PGR: variants seen among roughly 807,000 people sequenced by gnomAD.
PGR encodes the protein nuclear receptor subfamily 3 group C member 3.
PGR carries 25 observed loss-of-function variants against 76.1 expected under a neutral mutation model. The observed-to-expected ratio is 0.33, with a 90% CI of 0.24 to 0.46. The LOEUF is 0.46. PGR is among the 20% of genes least tolerant of loss of function. PGR has a pLI of 1.00. For synonymous variants in PGR, 579 were observed against 535.0 expected (o/e 1.08, Z -1.14); for missense variants, 1,172 against 1,225.3 (o/e 0.96, Z 0.65).
At chr11:101,096,450 G>A (rs568801) in intron 2 of PGR, among the ~76,000 whole-genome samples, 17,837 of 152,278 alleles carry the variant, frequency 0.12, 1,362 homozygotes, top group Non-Finnish European at 0.16. Context: ...TAGCCAGCCA[G>A]TTCCAACTAG....
At chr11:101,048,759 GCTACA>G (rs1439786447) in intron 6 of PGR, among the ~76,000 whole-genome samples, 1 of 151,926 alleles carries the variant, frequency 6.6e-6, no homozygotes, top group Non-Finnish European at 1.5e-5. Context: ...GTACACTTAG[GCTACA>G]CTACATTTAT....
rs1242633420 is a variant in PGR at position 101,037,127 on chromosome 11, A to G, written c.*1989T>C. 5.0e-6 allele frequency: 1 copy of G among 200,466 alleles called. No individual in the cohort carries two copies. The highest frequency in any genetic ancestry group is 1.0e-5 in the Non-Finnish European group (1 of 97,292). The allele number at this position is 200,466 out of a possible 1,614,324, so 12.4% of individuals were successfully genotyped here. ...GGGATGACATTTGTGGGGAAAATAT[A>G]TTGAAAGCCTTTTCAATAAGATTTA... On this transcript the variant is annotated 3_prime_UTR_variant, in exon 8 of 8. Transcript: ENST00000325455.
rs1426282251 is a variant in PGR, at chr11:101,038,852, AGTT to A, written c.*261_*263del. 1.5e-5 allele frequency: 6 copies of A among 390,822 alleles called. No individual in the cohort carries two copies. Among genetic ancestry groups the A allele is most frequent in the African/African-American group, 1.2e-4 (6 of 48,996 alleles). 24.2% of individuals were successfully genotyped at this position (390,822 alleles called of 1,614,324 possible). A position where few individuals can be genotyped will look rare whatever the true frequency, so the allele number is the denominator to read the frequency against. ...TGGTATGAAATAATATGGATAAGAT[AGTT>A]TACTTTAACAATTTTAGTACTTTTT... On this transcript the variant is annotated 3_prime_UTR_variant, in exon 8 of 8. Coordinates refer to ENST00000325455, the MANE Select transcript of PGR (RefSeq NM_000926.4).
chr11:101,067,240 C>T (rs1352442247), intron 3 of PGR, among the ~76,000 whole-genome samples: 2 of 152,156 alleles, frequency 1.3e-5, no homozygotes, highest in East Asian at 3.9e-4. Flanking sequence ...CTGCATATCG[C>T]CTTATCAGAT....
chr11:101,101,188 C>A (rs1362126822), intron 2 of PGR, among the ~76,000 whole-genome samples: 1 of 151,864 alleles, frequency 6.6e-6, no homozygotes, highest in Non-Finnish European at 1.5e-5. Flanking sequence ...TCACACCAAC[C>A]AAAATTAAAA....
intron 2 of PGR, among the ~76,000 whole-genome samples, chr11:101,115,003 C>G (rs940619048): frequency 4.6e-5 from 7 of 152,248 alleles, no homozygotes; most frequent in Non-Finnish European, 7.4e-5. Context: ...TAATCCTCAC[C>G]ATTCCTTTAA....
intron 4 of PGR, among the ~76,000 whole-genome samples, chr11:101,061,857 T>C (rs1860512052): frequency 6.6e-6 from 1 of 152,194 alleles, no homozygotes; most frequent in Admixed American, 6.5e-5. Context: ...TCTTCTGTGA[T>C]GATATAATCC....
chr11:101,111,722 C>T (rs923829747), intron 2 of PGR, among the ~76,000 whole-genome samples: 32 of 152,234 alleles, frequency 2.1e-4, no homozygotes, highest in African/African-American at 7.5e-4. Flanking sequence ...CTAAGTAGAT[C>T]AGGAGCCAAC....
chr11:101,127,522 G>T lies in PGR; in HGVS notation c.1549C>A (p.Leu517Ile). Residue 517 changes from leucine (L) to isoleucine (I), a missense_variant, in exon 1 of 8, where the codon CTC (leucine) becomes ATC (isoleucine). This residue lies in a region of PGR where 893 missense variants were observed against 785.9 expected (regional missense o/e 1.14). Coordinates refer to ENST00000325455, the MANE Select transcript of PGR (RefSeq NM_000926.4). ...AAPALYPALGLNGLPQLGYQA... is the reference protein window; with the variant it reads ...AAPALYPALGINGLPQLGYQA... ...TAGCCGAGCTGCGGGAGCCCGTTGA[G>T]GCCGAGTGCAGGGTAGAGCGCGGGG... 6.5e-7 allele frequency: 1 copy of T among 1,533,360 alleles called. No homozygotes were observed. Among genetic ancestry groups the T allele is most frequent in the Non-Finnish European group, 8.7e-7 (1 of 1,144,730 alleles). The allele number at this position is 1,533,360 out of a possible 1,614,324, so 95.0% of individuals were successfully genotyped here.
rs1591377000 is a variant in PGR at position 101,057,253 on chromosome 11, T to C, written c.2212+5194A>G. Among the ~76,000 whole-genome samples, 5 of 152,002 alleles carry C rather than the reference T, an allele frequency of 3.3e-5. No homozygotes were observed. The South Asian group carries it at 8.3e-4, about 25-fold the overall frequency. Reference sequence around the variant, plus strand: ...GACAAGTAATGCGAATCCTGAAAGATAGTTACAGGTCAGTCAAAGGAAGAC... The same window carrying C: ...GACAAGTAATGCGAATCCTGAAAGACAGTTACAGGTCAGTCAAAGGAAGAC... On this transcript the variant is annotated intron_variant, in intron 4 of 7. Transcript: ENST00000325455.
chr11:101,064,847 G>C (rs1860657479), intron 3 of PGR, among the ~76,000 whole-genome samples: 1 of 152,134 alleles, frequency 6.6e-6, no homozygotes, highest in African/African-American at 2.4e-5. Context: ...TCATAAGATA[G>C]TATTTTTTAC....
At chr11:101,069,425 G>C (rs1244765794) in intron 3 of PGR, among the ~76,000 whole-genome samples, 2 of 152,214 alleles carry the variant, frequency 1.3e-5, no homozygotes, top group South Asian at 4.1e-4. Flanking sequence ...GTGTAAATTA[G>C]TTCAACCACT....
Position 101,031,960 on chromosome 11 carries a change from C to T in PGR, c.*7156G>A, listed in dbSNP as rs747790282. 2 of 232,064 alleles carry T rather than the reference C, an allele frequency of 8.6e-6. No homozygotes were observed. Among genetic ancestry groups the T allele is most frequent in the Admixed American group, 5.6e-5 (1 of 17,734 alleles). The allele number at this position is 232,064 out of a possible 1,614,324, so 14.4% of individuals were successfully genotyped here. Reference sequence around the variant, plus strand: ...TCTTACCCGTGTGTATAGACCTGGACTTTGAGGTTGGACAGACATGCAAAG... The same window carrying T: ...TCTTACCCGTGTGTATAGACCTGGATTTTGAGGTTGGACAGACATGCAAAG... On this transcript the variant is annotated 3_prime_UTR_variant, in exon 8 of 8. Transcript: ENST00000325455.
At chr11:101,121,942 G>T in intron 2 of PGR, among the ~76,000 whole-genome samples, 1 of 151,996 alleles carries the variant, frequency 6.6e-6, no homozygotes, top group East Asian at 1.9e-4. Context: ...CGAGGCAGGC[G>T]GATCATGAGG....
At position 101,097,654 on chromosome 11, in the gene PGR, A is replaced by AT. The variant is rs773141706; in HGVS notation, c.1790-5779dup. Among the ~76,000 whole-genome samples the AT allele has an allele frequency of 5.9e-5, 9 of 152,028 alleles. No individual in the cohort carries two copies. The East Asian group carries it at 1.5e-3, about 26-fold the overall frequency. ...TATAGTAAATAGTCACTTGCTTCTGATTTTTTACCACCTTTTAACTTTTTT... is the reference window on the plus strand; with the variant it reads ...TATAGTAAATAGTCACTTGCTTCTGATTTTTTTACCACCTTTTAACTTTTTT... On this transcript the variant is annotated intron_variant, in intron 2 of 7. Transcript: ENST00000325455.
chr11:101,066,328 A>G (rs904408888), intron 3 of PGR, among the ~76,000 whole-genome samples: 1 of 152,090 alleles, frequency 6.6e-6, no homozygotes, highest in Non-Finnish European at 1.5e-5. Flanking sequence ...TCTTCTTTTA[A>G]CGCTCTTATT....
intron 2 of PGR, among the ~76,000 whole-genome samples, chr11:101,104,904 G>A (rs919555624): frequency 6.6e-6 from 1 of 152,136 alleles, no homozygotes; most frequent in Non-Finnish European, 1.5e-5. Flanking sequence ...ACTGTAGTGG[G>A]GGAATGTGTT....
intron 3 of PGR, among the ~76,000 whole-genome samples, chr11:101,088,392 C>T (rs955724220): frequency 2.6e-5 from 4 of 152,090 alleles, no homozygotes; most frequent in East Asian, 1.9e-4. Flanking sequence ...AGTGCAGTGG[C>T]GCGAACTCAG....
rs11571148 is a variant in PGR at position 101,128,016 on chromosome 11, G to C, written c.1055C>G (p.Pro352Arg). Residue 352 changes from proline (P) to arginine (R), a missense_variant, in exon 1 of 8, where the codon CCG (proline) becomes CGG (arginine). By Grantham distance (103) the Pro-to-Arg change is moderately radical. Transcript: ENST00000325455. Reference sequence around the variant, plus strand: ...GTCGGGGAAGTCGCCTACAGCGACCGGGGTGGACGAGGCACAGGGTGAACT... The same window carrying C: ...GTCGGGGAAGTCGCCTACAGCGACCCGGGTGGACGAGGCACAGGGTGAACT... Reference protein sequence around the residue: ...PRSSPCASSTPVAVGDFPDCA... With the variant: ...PRSSPCASSTRVAVGDFPDCA... The C allele has an allele frequency of 1.2e-6, 2 of 1,609,658 alleles. No homozygotes were observed. The highest frequency in any genetic ancestry group is 8.5e-7 in the Non-Finnish European group (1 of 1,179,820).
Sources: allele counts gnomAD v4.1 joint callset (sites outside exome capture counted in the v4.1 genomes callset), GRCh38; gene constraint gnomAD v4.1.1; regional missense constraint gnomAD v4.1.1; transcripts MANE v1.5; gene names NCBI Gene and HGNC (gene_info 2026-07-23, HGNC 2026-07-21).